The following KAZN variants were observed in gnomAD, a reference collection of about 807,000 sequenced individuals.
KAZN encodes kazrin.
KAZN carries 40 observed loss-of-function variants against 87.4 expected under a neutral mutation model. The ratio of observed to expected loss-of-function variants is 0.46; its 90% confidence interval spans 0.36 to 0.60. The LOEUF (loss-of-function observed/expected upper bound fraction) is 0.60, where lower values mean the gene tolerates loss of function less well. Ranked by LOEUF, KAZN falls within the 20% of genes least tolerant of loss-of-function variation. The pLI is 0.00. For synonymous variants in KAZN, 466 were observed against 458.3 expected, an observed-to-expected ratio of 1.02 and a Z score of -0.22; for missense variants, 898 against 1,073.9, an observed-to-expected ratio of 0.84 and a Z score of 2.29.
At chr1:14,770,862 C>T (rs1310469185) in intron 1 of KAZN, among the ~76,000 whole-genome samples, 1 of 152,142 alleles carries the variant, frequency 6.6e-6, no homozygotes, top group East Asian at 1.9e-4. Flanking sequence ...CTTCCCCTCC[C>T]CCAAACAGAA....
chr1:14,769,665 G>A lies in KAZN; in HGVS notation c.226+170442G>A, dbSNP rs965071180. On this transcript the variant is annotated intron_variant, in intron 1 of 14. Coordinates refer to ENST00000376030, the MANE Select transcript of KAZN (RefSeq NM_201628.3). This position sits in a 1 kb window ranked among gnomAD's most constrained non-coding sequence, Gnocchi z 4.1. ...CACCGTGCCCGGCCTGCCCTTCCAG[G>A]TCTTACCAACAGAGGGCTCTTGATT... 6.6e-6 allele frequency among the ~76,000 whole-genome samples: 1 copy of A among 152,178 alleles called. No homozygotes were observed. The highest frequency in any genetic ancestry group is 1.5e-5 in the Non-Finnish European group (1 of 68,046).
intron 1 of KAZN, among the ~76,000 whole-genome samples, chr1:14,867,685 G>A (rs1188720831): frequency 6.6e-6 from 1 of 151,562 alleles, no homozygotes; most frequent in Non-Finnish European, 1.5e-5. Context: ...TGCTAGGACT[G>A]TGACTTCTGT....
intron 1 of KAZN, among the ~76,000 whole-genome samples, chr1:14,862,542 A>G (rs1216724250): frequency 2.0e-5 from 3 of 152,196 alleles, no homozygotes; most frequent in Non-Finnish European, 4.4e-5. Flanking sequence ...GAGATTAGTC[A>G]CATCAGGGGA....
intron 7 of KAZN, among the ~76,000 whole-genome samples, chr1:15,064,408 G>A (rs75990646): frequency 1.6e-4 from 24 of 152,324 alleles, no homozygotes; most frequent in African/African-American, 5.1e-4. Flanking sequence ...GGGGAACCAT[G>A]AGTCAAGTCT....
At chr1:14,742,610 T>G (rs762851094) in intron 1 of KAZN, among the ~76,000 whole-genome samples, 1 of 152,218 alleles carries the variant, frequency 6.6e-6, no homozygotes, top group Non-Finnish European at 1.5e-5. Context: ...CCCTGTGCTT[T>G]TTCTCGCTTG....
rs760743643 is a variant in KAZN at position 14,786,411 on chromosome 1, C to T, written c.227-174273C>T. 6.1e-4 allele frequency among the ~76,000 whole-genome samples: 93 copies of T among 152,150 alleles called. 1 individual carries two copies. Among genetic ancestry groups the T allele is most frequent in the Admixed American group, 1.2e-3 (19 of 15,268 alleles). ...GGCATTGGAGCCATCCGCTCTTCCC[C>T]GAGAGTGGAGGTAATTTGGAACCCA... is the stretch of plus-strand genomic sequence containing the variant. On this transcript the variant is annotated intron_variant, in intron 1 of 14. Transcript: ENST00000376030.
intron 1 of KAZN, among the ~76,000 whole-genome samples, chr1:14,073,552 C>T (rs1162945283): frequency 6.6e-6 from 1 of 152,010 alleles, no homozygotes; most frequent in Non-Finnish European, 1.5e-5. Flanking sequence ...CCTTCCCTAG[C>T]CCCCCACCCC....
intron 1 of KAZN, among the ~76,000 whole-genome samples, chr1:14,711,925 C>T (rs1015128835): frequency 6.6e-6 from 1 of 152,186 alleles, no homozygotes; most frequent in African/African-American, 2.4e-5. Context: ...ACCGGGACAG[C>T]TTGTTACACG....
At chr1:14,321,035 A>G (rs1482001794) in intron 2 of KAZN, among the ~76,000 whole-genome samples, 2 of 152,188 alleles carry the variant, frequency 1.3e-5, no homozygotes, top group Non-Finnish European at 2.9e-5. Flanking sequence ...TTTAAAAATC[A>G]TATTCTCTGG....
chr1:14,764,283 ACTT>A, intron 1 of KAZN, among the ~76,000 whole-genome samples: 1 of 151,374 alleles, frequency 6.6e-6, no homozygotes, highest in Middle Eastern at 3.4e-3. Flanking sequence ...CTGAATCCTT[ACTT>A]CTTCAGGTCT....
chr1:14,291,239 A>T (rs1329160232), intron 2 of KAZN, among the ~76,000 whole-genome samples: 1 of 152,228 alleles, frequency 6.6e-6, no homozygotes, highest in Non-Finnish European at 1.5e-5. Context: ...GGGATGTTTA[A>T]GTCTGCAGAA....
intron 1 of KAZN, among the ~76,000 whole-genome samples, chr1:13,957,454 G>T (rs1223170784): frequency 6.6e-6 from 1 of 152,118 alleles, no homozygotes; most frequent in African/African-American, 2.4e-5. Context: ...GGATGGGTTT[G>T]GGTTGGGTAC....
At chr1:14,504,066 A>G (rs1670419193) in intron 2 of KAZN, among the ~76,000 whole-genome samples, 1 of 152,170 alleles carries the variant, frequency 6.6e-6, no homozygotes, top group Non-Finnish European at 1.5e-5. Context: ...GTCGTGCCCT[A>G]GTCGCTTTGA....
At chr1:15,112,784 C>T (rs1342272187) in intron 14 of KAZN, 29 of 427,508 alleles carry the variant, frequency 6.8e-5, no homozygotes, top group Non-Finnish European at 1.2e-4. Flanking sequence ...GTGCAGGTCT[C>T]ACCTGCCTGC....
chr1:14,356,304 C>T (rs952379852), intron 2 of KAZN, among the ~76,000 whole-genome samples: 1 of 151,936 alleles, frequency 6.6e-6, no homozygotes, highest in African/African-American at 2.4e-5. Flanking sequence ...TGTTTGAGTT[C>T]CTTGTAGATT....
At chr1:13,905,524 C>G (rs574240959) in intron 1 of KAZN, among the ~76,000 whole-genome samples, 10 of 152,200 alleles carry the variant, frequency 6.6e-5, no homozygotes, top group African/African-American at 1.9e-4. Context: ...CCTCCCCGTG[C>G]CTGTGTTCAG....
chr1:14,421,509 AT>A (rs1191539145), intron 2 of KAZN, among the ~76,000 whole-genome samples: 1 of 152,106 alleles, frequency 6.6e-6, no homozygotes, highest in African/African-American at 2.4e-5. Flanking sequence ...TGCACAGTTG[AT>A]TGTTCCCTTA....
intron 1 of KAZN, among the ~76,000 whole-genome samples, chr1:13,913,423 G>A (rs1639723632): frequency 6.6e-6 from 1 of 152,104 alleles, no homozygotes; most frequent in Admixed American, 6.6e-5. Context: ...TAGGCCTGTG[G>A]TGGAGCTAGA....
chr1:14,231,969 T>C (rs1162137491), intron 2 of KAZN, among the ~76,000 whole-genome samples: 2 of 152,120 alleles, frequency 1.3e-5, no homozygotes, highest in Non-Finnish European at 2.9e-5. Flanking sequence ...GTCTGGGGGA[T>C]GGCTTGGGAG....
Sources: gnomAD v4.1 joint callset for allele counts (sites outside exome capture counted in the v4.1 genomes callset) on GRCh38, gnomAD v4.1.1 for gene constraint, Gnocchi (gnomAD v3.1) non-coding constraint, MANE v1.5 for transcripts, NCBI Gene and HGNC (gene_info 2026-07-23, HGNC 2026-07-21) for gene names.